The following ZNF189 variants were observed in gnomAD, a reference collection of about 807,000 sequenced individuals.
ZNF189 encodes the protein zinc finger protein 189.
In ZNF189, 33 loss-of-function variants were observed where a neutral mutation model predicts 53.5. That is an observed-to-expected ratio of 0.62 (90% CI 0.47 to 0.82). The LOEUF is 0.82. Ranked by LOEUF, ZNF189 falls within the 40% of genes least tolerant of loss-of-function variation. ZNF189 has a pLI of 0.00. For missense variants in ZNF189, 711 were observed against 753.9 expected (o/e 0.94, Z 0.67); for synonymous variants, 247 against 238.8 (o/e 1.03, Z -0.32).
chr9:101,405,181 C>T (rs868697559), intron 2 of ZNF189, among the ~76,000 whole-genome samples: 8 of 152,124 alleles, frequency 5.3e-5, no homozygotes, highest in Admixed American at 4.6e-4. Flanking sequence ...GAGCTTGATT[C>T]GATCTTAAAG....
chr9:101,400,898 C>A (rs1426106982), intron 2 of ZNF189, among the ~76,000 whole-genome samples: 1 of 152,212 alleles, frequency 6.6e-6, no homozygotes, highest in Non-Finnish European at 1.5e-5. Context: ...ACTACAACTT[C>A]TCTATCTTTC....
chr9:101,408,334 CATTT>C lies in ZNF189; in HGVS notation c.567_570del (p.Phe190LeufsTer25). ...TGTGGGAAAAGTTTTAGTCGCAGTT[CATTT>C]GTTATTGAACATCAGAGAATTCACA... On this transcript the variant is annotated frameshift_variant, in exon 3 of 3. Transcript: ENST00000339664. LOFTEE classifies it high-confidence loss of function. 6.2e-7 allele frequency: 1 copy of C among 1,614,106 alleles called. No homozygotes were observed. The highest frequency in any genetic ancestry group is 8.5e-7 in the Non-Finnish European group (1 of 1,180,004).
chr9:101,399,368 G>A, intron 1 of ZNF189, 179 bp downstream of exon 1: 2 of 1,379,446 alleles, frequency 1.4e-6, no homozygotes, highest in South Asian at 3.5e-5. Context: ...CTGCCCACTG[G>A]CTCCCTTTTT....
Position 101,408,109 on chromosome 9 carries a change from T to C in ZNF189, c.341T>C (p.Phe114Ser). The C allele has an allele frequency of 6.2e-7, 1 of 1,613,992 alleles. No individual in the cohort carries two copies. Among genetic ancestry groups the C allele is most frequent in the Non-Finnish European group, 8.5e-7 (1 of 1,179,972 alleles). Residue 114 changes from phenylalanine (F) to serine (S), a missense_variant, in exon 3 of 3, where the codon TTC (phenylalanine) becomes TCC (serine). By Grantham distance (155) the Phe-to-Ser change is radical. Transcript: ENST00000339664. ...AGGTTAGATAAACAAAGAGGGATCTTCCTATGGGAAATACCAAGGGAATCT... is the reference window on the plus strand; with the variant it reads ...AGGTTAGATAAACAAAGAGGGATCTCCCTATGGGAAATACCAAGGGAATCT... The part of the protein sequence containing the change: ...VGRLDKQRGI[F>S]LWEIPRESLT...
Position 101,399,201 on chromosome 9 carries a change from C to A in ZNF189, c.33+12C>A, listed in dbSNP as rs761322181. 8.3e-6 allele frequency: 13 copies of A among 1,565,674 alleles called. No individual in the cohort carries two copies. In the Admixed American group the frequency reaches 1.5e-4, roughly 18 times the overall value. On this transcript the variant is annotated intron_variant, in intron 1 of 2. Transcript: ENST00000339664. The stretch of plus-strand genomic sequence containing the variant: ...CGCCGGAGTCGAAGGTAAGTAAGCA[C>A]CCCCCCGGGGATCCCGGTTGTCTCG...
rs1830860066 is a variant in ZNF189, at chr9:101,409,517, T to C, written c.1749T>C (p.Leu583=). 1 of 1,614,086 alleles carries C rather than the reference T, an allele frequency of 6.2e-7. No homozygotes were observed. Among genetic ancestry groups the C allele is most frequent in the Non-Finnish European group, 8.5e-7 (1 of 1,180,006 alleles). The change falls in exon 3 of 3, where the codon CTT becomes CTC. Residue 583 remains leucine, a synonymous_variant. Transcript: ENST00000339664. ...AAAGTTTCAGTCAACAGCGCAGTCT[T>C]GTCAACCATCAGAAGATCCATGCAG... ...CDKSFSQQRS[L]VNHQKIHAEV...
intron 2 of ZNF189, 34 bp downstream of exon 2, chr9:101,400,044 T>C: frequency 1.2e-6 from 2 of 1,608,194 alleles, no homozygotes; most frequent in South Asian, 1.1e-5. Context: ...TTAAAATATC[T>C]AAGAAGGTAG....
intron 2 of ZNF189, among the ~76,000 whole-genome samples, chr9:101,402,904 C>A (rs1355172929): frequency 6.6e-6 from 1 of 152,168 alleles, no homozygotes; most frequent in Non-Finnish European, 1.5e-5. Flanking sequence ...AAAATATATT[C>A]TCTCTACTGC....
chr9:101,399,818 T>C, intron 1 of ZNF189, 66 bp from the exon 2 acceptor site: 1 of 1,606,768 alleles, frequency 6.2e-7, no homozygotes, highest in Non-Finnish European at 8.5e-7. Flanking sequence ...ATTGCCTCTG[T>C]CACTTTTAGT....
At chr9:101,400,151 C>G (rs986361933) in intron 2 of ZNF189, 141 bp downstream of exon 2, 10 of 1,154,818 alleles carry the variant, frequency 8.7e-6, no homozygotes, top group Non-Finnish European at 1.2e-5. Context: ...TTAATTGTTT[C>G]CATAACTCTC....
intron 2 of ZNF189, among the ~76,000 whole-genome samples, chr9:101,406,862 T>C (rs1830733224): frequency 6.6e-6 from 1 of 152,204 alleles, no homozygotes; most frequent in South Asian, 2.1e-4. Context: ...GTGCTGTCTT[T>C]TCTTCAACAC....
At chr9:101,400,337 C>T (rs1301740547) in intron 2 of ZNF189, among the ~76,000 whole-genome samples, 1 of 152,126 alleles carries the variant, frequency 6.6e-6, no homozygotes, top group Non-Finnish European at 1.5e-5. Flanking sequence ...AATGTTCCTT[C>T]CCTCCTGGCC....
Position 101,408,984 on chromosome 9 carries a change from G to A in ZNF189, c.1216G>A (p.Gly406Arg). Residue 406 changes from glycine to arginine, a missense_variant, in exon 3 of 3, where the codon GGA (glycine) becomes AGA (arginine). Transcript: ENST00000339664. ...CAAGCCCCATAAATGTGAGGAATGT[G>A]GAAAAGCCTTTAGTAGAAGCTCAGG... Reference protein sequence around the residue: ...GDKPHKCEECGKAFSRSSGLI... With the variant: ...GDKPHKCEECRKAFSRSSGLI... 6.2e-7 allele frequency: 1 copy of A among 1,614,032 alleles called. No individual in the cohort carries two copies. Among genetic ancestry groups the A allele is most frequent in the Non-Finnish European group, 8.5e-7 (1 of 1,180,010 alleles).
chr9:101,405,939 C>T (rs1830693476), intron 2 of ZNF189, among the ~76,000 whole-genome samples: 1 of 151,640 alleles, frequency 6.6e-6, no homozygotes, highest in Non-Finnish European at 1.5e-5. Flanking sequence ...GTGGCGGGTG[C>T]CTGTAATCCC....
chr9:101,404,849 A>G (rs1200788634), intron 2 of ZNF189, among the ~76,000 whole-genome samples: 1 of 152,232 alleles, frequency 6.6e-6, no homozygotes, highest in Non-Finnish European at 1.5e-5. Flanking sequence ...CGAACAGTTA[A>G]AAAATGCAGT....
chr9:101,407,859 C>T, intron 2 of ZNF189, 70 bp from the exon 3 acceptor site: 2 of 1,392,114 alleles, frequency 1.4e-6, no homozygotes, highest in Non-Finnish European at 9.5e-7. Context: ...CTTTGTTTGC[C>T]CATCTTACTT....
rs147817079 is a variant in ZNF189 at position 101,408,623 on chromosome 9, G to A, written c.855G>A (p.Glu285=). The change falls in exon 3 of 3, where the codon GAG becomes GAA. Residue 285 remains glutamate (E), a synonymous_variant. Transcript: ENST00000339664. The part of the protein sequence containing the change: ...LIEHQRTHTG[E]KPYHCTKCKK... ...AGCATCAAAGAACTCACACTGGTGA[G>A]AAACCTTATCACTGTACCAAATGTA... 1.9e-5 allele frequency: 30 copies of A among 1,614,010 alleles called. No homozygotes were observed. In the African/African-American group the frequency reaches 3.2e-4, roughly 17 times the overall value.
At chr9:101,403,630 ACT>A (rs1173036640) in intron 2 of ZNF189, among the ~76,000 whole-genome samples, 2 of 152,080 alleles carry the variant, frequency 1.3e-5, no homozygotes, top group African/African-American at 4.8e-5. Context: ...AATTTTAATG[ACT>A]CTTTCCGCAA....
Position 101,409,454 on chromosome 9 carries a change from C to T in ZNF189, c.1686C>T (p.His562=). 1 of 1,614,158 alleles carries T rather than the reference C, an allele frequency of 6.2e-7. No individual in the cohort carries two copies. The change falls in exon 3 of 3, where the codon CAC becomes CAT. Residue 562 remains histidine (H), a synonymous_variant. Coordinates refer to ENST00000339664, the MANE Select transcript of ZNF189 (RefSeq NM_003452.4). The part of the protein sequence containing the change: ...NSGLIQHQRI[H]TGEKPYKCEK... ...GTCTTATTCAGCATCAGAGAATACACACAGGAGAGAAACCTTATAAGTGTG... is the reference window on the plus strand; with the variant it reads ...GTCTTATTCAGCATCAGAGAATACATACAGGAGAGAAACCTTATAAGTGTG...
Sources: allele counts gnomAD v4.1 joint callset (sites outside exome capture counted in the v4.1 genomes callset), GRCh38; gene constraint gnomAD v4.1.1; transcripts MANE v1.5; gene names NCBI Gene and HGNC (gene_info 2026-07-23, HGNC 2026-07-21).